The following PCDH9 variants were observed in gnomAD, a reference collection of about 807,000 sequenced individuals.
PCDH9 encodes the protein protocadherin 9, also known as protocadherin-9.
A neutral mutation model predicts 70.6 loss-of-function variants in PCDH9; 24 were observed. The observed-to-expected ratio is 0.34, with a 90% CI of 0.25 to 0.48. PCDH9 has a LOEUF of 0.48. Among genes scored for constraint, PCDH9 ranks in the 20% least tolerant of loss-of-function variants. The probability of loss-of-function intolerance (pLI) is 0.99; values close to 1 mark genes in which losing one functional copy is unlikely to be tolerated. For missense variants in PCDH9, 1,281 were observed against 1,503.6 expected, an observed-to-expected ratio of 0.85 and a Z score of 2.45; for synonymous variants, 562 against 558.5, an observed-to-expected ratio of 1.01 and a Z score of -0.09.
intron 3 of PCDH9, among the ~76,000 whole-genome samples, chr13:66,711,427 C>T (rs2139130337): frequency 6.6e-6 from 1 of 150,696 alleles, no homozygotes; most frequent in Non-Finnish European, 1.5e-5. Context: ...CATACAACAA[C>T]CAAAGTATTG....
At chr13:66,965,312 T>A (rs1287548974) in intron 2 of PCDH9, among the ~76,000 whole-genome samples, 1 of 152,116 alleles carries the variant, frequency 6.6e-6, no homozygotes, top group Admixed American at 6.6e-5. Flanking sequence ...CTCAAATTAA[T>A]CTCCTGATGT....
intron 4 of PCDH9, among the ~76,000 whole-genome samples, chr13:66,556,229 T>C (rs1961734372): frequency 6.6e-6 from 1 of 151,978 alleles, no homozygotes; most frequent in African/African-American, 2.4e-5. Context: ...TTTATAACTG[T>C]ATTTGAGGAT....
chr13:66,844,499 C>T (rs2081171434), intron 3 of PCDH9, among the ~76,000 whole-genome samples: 1 of 150,920 alleles, frequency 6.6e-6, no homozygotes, highest in Non-Finnish European at 1.5e-5. Flanking sequence ...GCAGGAGAAT[C>T]ATTTGAACCT....
At chr13:66,816,229 T>C (rs2080602405) in intron 3 of PCDH9, among the ~76,000 whole-genome samples, 1 of 152,186 alleles carries the variant, frequency 6.6e-6, no homozygotes. Context: ...TACATATAAA[T>C]GTTAAATGTG....
At chr13:66,443,840 A>G (rs1958020638) in intron 4 of PCDH9, among the ~76,000 whole-genome samples, 1 of 152,196 alleles carries the variant, frequency 6.6e-6, no homozygotes, top group Non-Finnish European at 1.5e-5. Flanking sequence ...TTATAGTTAT[A>G]CATAATGCAA....
chr13:67,197,788 G>A (rs1307812446), intron 2 of PCDH9, among the ~76,000 whole-genome samples: 1 of 151,744 alleles, frequency 6.6e-6, no homozygotes, highest in Admixed American at 6.6e-5. Context: ...ATTAAAATAA[G>A]TAATTGCCAA....
intron 4 of PCDH9, among the ~76,000 whole-genome samples, chr13:66,538,413 G>T (rs556948913): frequency 6.6e-6 from 1 of 152,202 alleles, no homozygotes; most frequent in Admixed American, 6.5e-5. Flanking sequence ...TACATTTCCC[G>T]ATTCTTCAAT....
intron 2 of PCDH9, among the ~76,000 whole-genome samples, chr13:67,113,241 T>C (rs2086691252): frequency 6.6e-6 from 1 of 152,158 alleles, no homozygotes; most frequent in African/African-American, 2.4e-5. Flanking sequence ...GTAGATTAAA[T>C]AAACCTGTAA....
intron 4 of PCDH9, among the ~76,000 whole-genome samples, chr13:66,483,411 C>A (rs1369244756): frequency 6.6e-6 from 1 of 152,154 alleles, no homozygotes; most frequent in Non-Finnish European, 1.5e-5. Flanking sequence ...ACCACACCTT[C>A]ACCAATACAA....
Position 66,304,002 on chromosome 13 carries a change from T to C in PCDH9, c.*653A>G, listed in dbSNP as rs142034113. On this transcript the variant is annotated 3_prime_UTR_variant, in exon 5 of 5. Coordinates refer to ENST00000377865, the MANE Select transcript of PCDH9 (RefSeq NM_203487.3). The stretch of plus-strand genomic sequence containing the variant: ...ACCTCACTGAAAGAAACAACAAAAA[T>C]AACAACAAAGAGGTAAATAAAAAGA... 9.0e-3 allele frequency: 1,362 copies of C among 152,174 alleles called. 14 individuals are homozygous for C. Among genetic ancestry groups the C allele is most frequent in the Non-Finnish European group, 0.011 (748 of 67,858 alleles). 9.4% of individuals were successfully genotyped at this position (152,174 alleles called of 1,614,324 possible).
chr13:66,971,891 G>A (rs922636588), intron 2 of PCDH9, among the ~76,000 whole-genome samples: 2 of 151,908 alleles, frequency 1.3e-5, no homozygotes, highest in African/African-American at 2.4e-5. Flanking sequence ...ACTCAGTTAA[G>A]TCTTCGAGCT....
At chr13:66,311,364 CTCTG>C (rs149633593) in intron 4 of PCDH9, among the ~76,000 whole-genome samples, 21,005 of 105,986 alleles carry the variant, frequency 0.2, 1,896 homozygotes, top group East Asian at 0.37. Flanking sequence ...TTCTCTCTCT[CTCTG>C]TGTGTGTGTG....
At chr13:67,106,457 C>T (rs1275416493) in intron 2 of PCDH9, among the ~76,000 whole-genome samples, 7 of 152,176 alleles carry the variant, frequency 4.6e-5, no homozygotes, top group Admixed American at 4.6e-4. Context: ...AAGTGAAAAG[C>T]AGGAGGTTAA....
intron 2 of PCDH9, among the ~76,000 whole-genome samples, chr13:66,977,882 G>A (rs932796809): frequency 2.0e-5 from 3 of 152,006 alleles, no homozygotes; most frequent in Non-Finnish European, 4.4e-5. Context: ...TAGCTACAAG[G>A]CAATTAAAGG....
intron 2 of PCDH9, among the ~76,000 whole-genome samples, chr13:67,059,864 G>GTTGTTT (rs2085502006): frequency 7.5e-6 from 1 of 134,078 alleles, no homozygotes; most frequent in South Asian, 2.4e-4. Flanking sequence ...TATTTCTGTT[G>GTTGTTT]TTTGTTTTTT....
At chr13:66,575,002 G>A (rs554601564) in intron 4 of PCDH9, among the ~76,000 whole-genome samples, 12 of 151,914 alleles carry the variant, frequency 7.9e-5, no homozygotes, top group Admixed American at 3.3e-4. Flanking sequence ...GTGAAACCTC[G>A]TCTCTACTAA....
intron 4 of PCDH9, among the ~76,000 whole-genome samples, chr13:66,493,658 A>C (rs2138539867): frequency 6.6e-6 from 1 of 152,286 alleles, no homozygotes; most frequent in African/African-American, 2.4e-5. Flanking sequence ...TACATTTAAA[A>C]CATTGTGTTA....
At chr13:67,138,634 A>T (rs1433196552) in intron 2 of PCDH9, among the ~76,000 whole-genome samples, 1 of 152,160 alleles carries the variant, frequency 6.6e-6, no homozygotes, top group Non-Finnish European at 1.5e-5. Flanking sequence ...ACTCCCAAAA[A>T]TTCTGTAATG....
chr13:66,621,191 A>T (rs923113501), intron 4 of PCDH9, among the ~76,000 whole-genome samples: 1 of 152,204 alleles, frequency 6.6e-6, no homozygotes, highest in Non-Finnish European at 1.5e-5. Flanking sequence ...CTTGCTTCTA[A>T]CCAACAAAGT....
Sources: gnomAD v4.1 joint callset for allele counts (sites outside exome capture counted in the v4.1 genomes callset) on GRCh38, gnomAD v4.1.1 for gene constraint, MANE v1.5 for transcripts, NCBI Gene and HGNC (gene_info 2026-07-23, HGNC 2026-07-21) for gene names.